SLCO2A1: variants seen among roughly 807,000 people sequenced by gnomAD.
SLCO2A1 encodes the protein solute carrier organic anion transporter family member 2A1.
Under a neutral mutation model 71.7 loss-of-function variants are expected in SLCO2A1, and 60 were observed. The ratio of observed to expected loss-of-function variants is 0.84; its 90% CI spans 0.68 to 1.04. SLCO2A1 has a LOEUF of 1.04. Ranked by LOEUF, SLCO2A1 falls within the 50% of genes least tolerant of loss-of-function variation. The pLI, the probability that SLCO2A1 is intolerant of heterozygous loss-of-function variation, is 0.00. For synonymous variants in SLCO2A1, 308 were observed against 326.7 expected, an observed-to-expected ratio of 0.94 and a Z score of 0.62; for missense variants, 745 against 813.4, an observed-to-expected ratio of 0.92 and a Z score of 1.02.
intron 10 of SLCO2A1, 145 bp downstream of exon 10, chr3:133,944,950 G>A: frequency 1.1e-6 from 1 of 941,184 alleles, no homozygotes; most frequent in Admixed American, 2.5e-5. Flanking sequence ...GGTTGGATGT[G>A]GCTCAGAGGA....
At chr3:133,973,515 C>T (rs1405626161) in intron 3 of SLCO2A1, 148 bp downstream of exon 3, 2 of 816,778 alleles carry the variant, frequency 2.4e-6, no homozygotes, top group East Asian at 2.7e-5. Context: ...AGTTCAGTTG[C>T]TCCATAGCTC....
chr3:134,022,196 G>A (rs1935602633), intron 1 of SLCO2A1, among the ~76,000 whole-genome samples: 3 of 152,028 alleles, frequency 2.0e-5, no homozygotes, highest in Admixed American at 2.0e-4. Flanking sequence ...TCAAAAAGTT[G>A]AGGCATGTCG....
At chr3:133,957,639 C>G (rs1466808484) in intron 3 of SLCO2A1, among the ~76,000 whole-genome samples, 1 of 152,186 alleles carries the variant, frequency 6.6e-6, no homozygotes, top group Admixed American at 6.5e-5. Context: ...TCTCTGACCT[C>G]TGTAGGTGGC....
intron 1 of SLCO2A1, among the ~76,000 whole-genome samples, chr3:133,984,700 C>T (rs954825857): frequency 6.6e-6 from 1 of 152,174 alleles, no homozygotes; most frequent in Non-Finnish European, 1.5e-5. Context: ...GACACAGGTT[C>T]AAGAGTACAT....
chr3:134,018,472 C>G (rs1935507886), intron 1 of SLCO2A1, among the ~76,000 whole-genome samples: 1 of 152,068 alleles, frequency 6.6e-6, no homozygotes, highest in Admixed American at 6.5e-5. Context: ...TTTGGTCCTC[C>G]CAGGCCAGAA....
chr3:134,009,104 C>A (rs1464237400), intron 1 of SLCO2A1, among the ~76,000 whole-genome samples: 1 of 152,212 alleles, frequency 6.6e-6, no homozygotes, highest in Admixed American at 6.5e-5. Context: ...GAAGCTGGGG[C>A]ATGACCACAG....
At chr3:133,961,296 G>C (rs1257092621) in intron 3 of SLCO2A1, among the ~76,000 whole-genome samples, 1 of 152,136 alleles carries the variant, frequency 6.6e-6, no homozygotes, top group African/African-American at 2.4e-5. Flanking sequence ...GACACACAAG[G>C]CCAGGCTGCT....
At chr3:133,971,362 TTCCTCA>T (rs2108054073) in intron 3 of SLCO2A1, among the ~76,000 whole-genome samples, 1 of 152,336 alleles carries the variant, frequency 6.6e-6, no homozygotes, top group African/African-American at 2.4e-5. Context: ...GCTCGGATCT[TTCCTCA>T]TCCTCTGCCC....
intron 1 of SLCO2A1, among the ~76,000 whole-genome samples, chr3:134,013,193 TG>T (rs941337126): frequency 6.6e-6 from 1 of 152,188 alleles, no homozygotes; most frequent in African/African-American, 2.4e-5. Context: ...AAATGCTCAC[TG>T]AGTGAGTGAG....
intron 1 of SLCO2A1, among the ~76,000 whole-genome samples, chr3:134,023,266 T>C (rs1935629018): frequency 6.6e-6 from 1 of 152,234 alleles, no homozygotes; most frequent in Non-Finnish European, 1.5e-5. Context: ...AATTTAACTC[T>C]TTTAATCTAT....
intron 2 of SLCO2A1, among the ~76,000 whole-genome samples, chr3:133,977,113 G>A (rs1010440519): frequency 6.6e-6 from 1 of 152,072 alleles, no homozygotes; most frequent in South Asian, 2.1e-4. Flanking sequence ...GGCATATACT[G>A]TACACAGACA....
chr3:134,009,739 G>T (rs536240571), intron 1 of SLCO2A1, among the ~76,000 whole-genome samples: 1 of 152,344 alleles, frequency 6.6e-6, no homozygotes, highest in South Asian at 2.1e-4. Flanking sequence ...TTTGGCTTGG[G>T]AAAATACAAC....
At chr3:133,949,589 C>A (rs971711478) in intron 6 of SLCO2A1, among the ~76,000 whole-genome samples, 3 of 152,170 alleles carry the variant, frequency 2.0e-5, no homozygotes, top group Admixed American at 2.0e-4. Flanking sequence ...GATGCAAGGC[C>A]CCTGGGCTCT....
At chr3:133,973,161 T>C (rs1302110207) in intron 3 of SLCO2A1, among the ~76,000 whole-genome samples, 1 of 152,222 alleles carries the variant, frequency 6.6e-6, no homozygotes, top group Non-Finnish European at 1.5e-5. Flanking sequence ...TCAGTGGTTG[T>C]TAAGTCATAC....
chr3:134,018,613 G>A (rs1194721252), intron 1 of SLCO2A1, among the ~76,000 whole-genome samples: 1 of 152,048 alleles, frequency 6.6e-6, no homozygotes, highest in Non-Finnish European at 1.5e-5. Context: ...TGGAGCTCTG[G>A]GTGTGTGATT....
intron 1 of SLCO2A1, among the ~76,000 whole-genome samples, chr3:133,979,885 G>A (rs995968843): frequency 2.6e-5 from 4 of 152,196 alleles, no homozygotes; most frequent in African/African-American, 9.7e-5. Flanking sequence ...ACCACAGGGT[G>A]TTGAAGATAT....
rs1043168824 is a variant in SLCO2A1 at position 134,018,237 on chromosome 3, G to A, written c.96+11470C>T. Among the ~76,000 whole-genome samples, 3 of 152,218 alleles carry A rather than the reference G, an allele frequency of 2.0e-5. No homozygotes were observed. The South Asian group carries it at 6.2e-4, about 32-fold the overall frequency. On this transcript the variant is annotated intron_variant, in intron 1 of 13. Coordinates refer to ENST00000310926, the MANE Select transcript of SLCO2A1 (RefSeq NM_005630.3). ...ATGTTAGAGAAACACCACCCCTGGG[G>A]AGGAGTGGGCATATCTTAACTCACT...
At chr3:133,964,282 T>G (rs532697644) in intron 3 of SLCO2A1, among the ~76,000 whole-genome samples, 1 of 152,310 alleles carries the variant, frequency 6.6e-6, no homozygotes, top group East Asian at 1.9e-4. Flanking sequence ...TGAACCTCAG[T>G]GTCCTCGTCT....
intron 10 of SLCO2A1, among the ~76,000 whole-genome samples, chr3:133,943,666 C>T (rs905380467): frequency 1.5e-4 from 23 of 151,948 alleles, no homozygotes; most frequent in Admixed American, 1.2e-3. Flanking sequence ...TATGCTGTTA[C>T]GGGAAACTTG....
Sources: gnomAD v4.1 joint callset for allele counts (sites outside exome capture counted in the v4.1 genomes callset) on GRCh38, gnomAD v4.1.1 for gene constraint, MANE v1.5 for transcripts, NCBI Gene and HGNC (gene_info 2026-07-23, HGNC 2026-07-21) for gene names.